TSHZ2: variants seen among roughly 807,000 people sequenced by gnomAD.
TSHZ2 encodes teashirt homolog 2.
A neutral mutation model predicts 74.4 loss-of-function variants in TSHZ2; 21 were observed. The observed-to-expected ratio is 0.28, with a 90% CI of 0.20 to 0.41. TSHZ2 has a LOEUF of 0.41. Ranked by LOEUF, TSHZ2 falls within the 10% of genes least tolerant of loss-of-function variation. The pLI is 1.00. For synonymous variants in TSHZ2, 540 were observed against 515.3 expected (o/e 1.05, Z -0.65); for missense variants, 1,244 against 1,293.5 (o/e 0.96, Z 0.59).
At chr20:53,204,320 G>T (rs1253294858) in intron 1 of TSHZ2, among the ~76,000 whole-genome samples, 4 of 137,312 alleles carry the variant, frequency 2.9e-5, no homozygotes, top group Non-Finnish European at 6.5e-5. Context: ...ATAACATGAT[G>T]ATATGATACT....
chr20:53,347,273 A>T (rs777093023), intron 2 of TSHZ2, among the ~76,000 whole-genome samples: 35 of 151,930 alleles, frequency 2.3e-4, no homozygotes, highest in Non-Finnish European at 4.4e-4. Context: ...AGCCAGTAGC[A>T]CTCCCATTCC....
chr20:53,282,706 T>G (rs1991088334), intron 2 of TSHZ2, among the ~76,000 whole-genome samples: 1 of 152,216 alleles, frequency 6.6e-6, no homozygotes, highest in African/African-American at 2.4e-5. Flanking sequence ...ATTTTTCTAG[T>G]GGCACCTTTC....
intron 1 of TSHZ2, among the ~76,000 whole-genome samples, chr20:53,121,955 C>T (rs1038977321): frequency 6.6e-6 from 1 of 152,100 alleles, no homozygotes; most frequent in Non-Finnish European, 1.5e-5. Context: ...AAATATTCCA[C>T]TTTTCTTACC....
chr20:53,335,656 G>A (rs549781581), intron 2 of TSHZ2, among the ~76,000 whole-genome samples: 1 of 152,238 alleles, frequency 6.6e-6, no homozygotes. Flanking sequence ...CTGTACTGAG[G>A]CTTTGGGGAA....
intron 2 of TSHZ2, among the ~76,000 whole-genome samples, chr20:53,356,337 G>A (rs1419413183): frequency 6.6e-6 from 1 of 152,166 alleles, no homozygotes; most frequent in Non-Finnish European, 1.5e-5. Context: ...TCCAGCACCA[G>A]AGCTTGAAAT....
intron 2 of TSHZ2, among the ~76,000 whole-genome samples, chr20:53,460,063 T>G (rs891790332): frequency 5.9e-5 from 9 of 152,048 alleles, no homozygotes; most frequent in African/African-American, 1.4e-4. Flanking sequence ...AGGAGTATCT[T>G]TGTGGCGTTC....
At chr20:53,268,692 AC>A (rs1990767798) in intron 2 of TSHZ2, among the ~76,000 whole-genome samples, 1 of 152,130 alleles carries the variant, frequency 6.6e-6, no homozygotes, top group South Asian at 2.1e-4. Flanking sequence ...ATTTCACTAA[AC>A]CCCAGGTTGC....
At chr20:53,285,439 G>A (rs529296061) in intron 2 of TSHZ2, among the ~76,000 whole-genome samples, 6 of 152,242 alleles carry the variant, frequency 3.9e-5, no homozygotes, top group South Asian at 2.1e-4. Context: ...GGCCAGGTGC[G>A]GTGGCTCACG....
chr20:53,063,305 G>A (rs1478625007), intron 1 of TSHZ2, among the ~76,000 whole-genome samples: 2 of 152,086 alleles, frequency 1.3e-5, no homozygotes, highest in African/African-American at 2.4e-5. Context: ...AAGCATGCCT[G>A]TATATGCACT....
Position 53,400,255 on chromosome 20 carries a change from T to C in TSHZ2, c.*9-86889T>C, listed in dbSNP as rs1229268639. Reference sequence around the variant, plus strand: ...GTGCCTGCTAGATGTCATTTTATTTTTCTTTTTACCTTTATCACTTTGAGG... The same window carrying C: ...GTGCCTGCTAGATGTCATTTTATTTCTCTTTTTACCTTTATCACTTTGAGG... On this transcript the variant is annotated intron_variant, in intron 2 of 2. Coordinates refer to ENST00000371497, the MANE Select transcript of TSHZ2 (RefSeq NM_173485.6). The C allele has an allele frequency of 2.6e-5, 4 of 152,280 alleles. No individual in the cohort carries two copies. In the East Asian group the frequency reaches 5.8e-4, roughly 22 times the overall value. The allele number at this position is 152,280 out of a possible 1,614,324, so 9.4% of individuals were successfully genotyped here. A position where few individuals can be genotyped will look rare whatever the true frequency, so the allele number is the denominator to read the frequency against.
intron 1 of TSHZ2, among the ~76,000 whole-genome samples, chr20:53,030,601 T>C (rs1983600142): frequency 1.3e-5 from 2 of 152,176 alleles, no homozygotes; most frequent in Admixed American, 6.5e-5. Context: ...TATTCTTAAA[T>C]AGGTTACAGT....
At position 53,342,955 on chromosome 20, in the gene TSHZ2, C is replaced by CTTTTTTTTTTTTTTTTTTTTTTTTTT. The variant is rs1175907478; in HGVS notation, c.*8+86388_*8+86413dup. Reference sequence around the variant, plus strand: ...TATTTCTTTTCTTTTCTTTTCTTTTCTTTTTTTTTTTTTTTTTTTTTTTTT... The same window carrying CTTTTTTTTTTTTTTTTTTTTTTTTTT: ...TATTTCTTTTCTTTTCTTTTCTTTTCTTTTTTTTTTTTTTTTTTTTTTTTTTTTTTTTTTTTTTTTTTTTTTTTTTT... On this transcript the variant is annotated intron_variant, in intron 2 of 2. Coordinates refer to ENST00000371497, the MANE Select transcript of TSHZ2 (RefSeq NM_173485.6). Among the ~76,000 whole-genome samples the CTTTTTTTTTTTTTTTTTTTTTTTTTT allele has an allele frequency of 9.6e-4, 59 of 61,240 alleles. 12 individuals are homozygous for CTTTTTTTTTTTTTTTTTTTTTTTTTT. The highest frequency in any genetic ancestry group is 1.7e-3 in the South Asian group (2 of 1,212). The allele number at this position is 61,240 out of a possible 152,430, so 40.2% of individuals were successfully genotyped here. A position where few individuals can be genotyped will look rare whatever the true frequency, so the allele number is the denominator to read the frequency against.
intron 1 of TSHZ2, among the ~76,000 whole-genome samples, chr20:53,239,471 TATAAAG>T (rs1227579777): frequency 6.6e-6 from 1 of 152,160 alleles, no homozygotes; most frequent in African/African-American, 2.4e-5. Flanking sequence ...GTGCTGGGCA[TATAAAG>T]ATAAACACTC....
chr20:53,034,836 T>C (rs1026818243), intron 1 of TSHZ2, among the ~76,000 whole-genome samples: 1 of 152,184 alleles, frequency 6.6e-6, no homozygotes, highest in African/African-American at 2.4e-5. Flanking sequence ...CAGGATCTTA[T>C]AGGTCAGGAT....
chr20:53,263,815 A>T (rs933247831), intron 2 of TSHZ2, among the ~76,000 whole-genome samples: 14 of 152,068 alleles, frequency 9.2e-5, no homozygotes, highest in African/African-American at 3.4e-4. Flanking sequence ...ATCTCAGAGG[A>T]TACTGGGCTG....
intron 1 of TSHZ2, among the ~76,000 whole-genome samples, chr20:53,026,533 TA>T (rs796473144): frequency 6.6e-6 from 1 of 152,108 alleles, no homozygotes; most frequent in Non-Finnish European, 1.5e-5. Context: ...TCATATTCTT[TA>T]AAAAAATTTT....
Position 53,494,111 on chromosome 20 carries a change from C to G in TSHZ2, c.*6976C>G, listed in dbSNP as rs1210673849. The G allele has an allele frequency of 6.6e-6, 1 of 152,224 alleles. No individual in the cohort carries two copies. The highest frequency in any genetic ancestry group is 1.5e-5 in the Non-Finnish European group (1 of 68,144). The allele number at this position is 152,224 out of a possible 1,614,324, so 9.4% of individuals were successfully genotyped here. On this transcript the variant is annotated 3_prime_UTR_variant, in exon 3 of 3. Transcript: ENST00000371497. ...ACCAACCTGGCCAACATGGCAAAAC[C>G]TCGTCTCTACTAAAAATACAAAAAA...
intron 2 of TSHZ2, among the ~76,000 whole-genome samples, chr20:53,403,519 G>A (rs1239009064): frequency 6.6e-6 from 1 of 152,148 alleles, no homozygotes; most frequent in Non-Finnish European, 1.5e-5. Context: ...ACCAAGAAGT[G>A]AGGAGTAGAG....
intron 1 of TSHZ2, among the ~76,000 whole-genome samples, chr20:53,200,173 G>A (rs1268935685): frequency 6.6e-6 from 1 of 152,168 alleles, no homozygotes; most frequent in Non-Finnish European, 1.5e-5. Context: ...CTTCTTGTGG[G>A]CGGGTGGAGG....
Sources: allele counts gnomAD v4.1 joint callset (sites outside exome capture counted in the v4.1 genomes callset), GRCh38; gene constraint gnomAD v4.1.1; transcripts MANE v1.5; gene names NCBI Gene and HGNC (gene_info 2026-07-23, HGNC 2026-07-21).